Variants in DCC observed in about 807,000 individuals in gnomAD.
The protein encoded by DCC is DCC netrin 1 receptor.
DCC carries 58 observed loss-of-function variants against 172.5 expected under a neutral mutation model. The ratio of observed to expected loss-of-function variants is 0.34; its 90% CI spans 0.27 to 0.42. DCC has a LOEUF of 0.42. Among genes scored for constraint, DCC ranks in the 10% least tolerant of loss-of-function variants. The pLI, the probability that DCC is intolerant of heterozygous loss-of-function variation, is 1.00. For synonymous variants in DCC, 709 were observed against 644.5 expected, an observed-to-expected ratio of 1.10 and a Z score of -1.52; for missense variants, 1,740 against 1,791.0, an observed-to-expected ratio of 0.97 and a Z score of 0.51.
At chr18:52,629,823 A>AC (rs1568263807) in intron 1 of DCC, among the ~76,000 whole-genome samples, 1 of 151,774 alleles carries the variant, frequency 6.6e-6, no homozygotes, top group Non-Finnish European at 1.5e-5. Context: ...GCTGGCGGGT[A>AC]CCTGTAGTCC....
At chr18:52,468,025 C>T (rs375601357) in intron 1 of DCC, among the ~76,000 whole-genome samples, 3 of 152,100 alleles carry the variant, frequency 2.0e-5, no homozygotes, top group African/African-American at 7.2e-5. Flanking sequence ...CTCTGATGGA[C>T]ATTTTATGTG....
chr18:52,868,929 A>T (rs1468624443), intron 2 of DCC, among the ~76,000 whole-genome samples: 1 of 152,178 alleles, frequency 6.6e-6, no homozygotes, highest in African/African-American at 2.4e-5. Context: ...CTGCAGCTGG[A>T]CCAGGTGCAC....
At chr18:52,385,143 T>C in intron 1 of DCC, among the ~76,000 whole-genome samples, 1 of 152,140 alleles carries the variant, frequency 6.6e-6, no homozygotes, top group Middle Eastern at 3.2e-3. Context: ...TAAAATTCCC[T>C]GAAAAAGCAA....
intron 1 of DCC, among the ~76,000 whole-genome samples, chr18:52,489,549 G>A (rs1259779280): frequency 1.3e-5 from 2 of 152,136 alleles, no homozygotes; most frequent in Non-Finnish European, 1.5e-5. Flanking sequence ...ATTCTCAGTA[G>A]CCGGTGGCTT....
intron 2 of DCC, among the ~76,000 whole-genome samples, chr18:52,865,371 G>T (rs181563735): frequency 6.6e-6 from 1 of 152,180 alleles, no homozygotes; most frequent in Admixed American, 6.5e-5. Flanking sequence ...AGGATTGCTG[G>T]ATCAGATGGT....
intron 1 of DCC, among the ~76,000 whole-genome samples, chr18:52,416,018 A>G (rs1248317026): frequency 2.6e-5 from 4 of 151,928 alleles, no homozygotes. Flanking sequence ...TTAGTGCTAT[A>G]AATTTCCCTC....
intron 13 of DCC, among the ~76,000 whole-genome samples, chr18:53,317,233 T>C (rs1326206196): frequency 6.6e-6 from 1 of 152,234 alleles, no homozygotes; most frequent in East Asian, 1.9e-4. Context: ...ACAAAATATC[T>C]CAAAATATTG....
intron 7 of DCC, among the ~76,000 whole-genome samples, chr18:53,127,521 A>T (rs1371761913): frequency 1.3e-5 from 2 of 152,016 alleles, no homozygotes; most frequent in Non-Finnish European, 2.9e-5. Flanking sequence ...TGCCTATGGG[A>T]GGGTGGCTCT....
intron 1 of DCC, among the ~76,000 whole-genome samples, chr18:52,376,863 T>C (rs1027476284): frequency 2.0e-5 from 3 of 152,082 alleles, no homozygotes; most frequent in Admixed American, 6.5e-5. Flanking sequence ...TGTGTAAAAG[T>C]TGAGGAAGGG....
intron 21 of DCC, among the ~76,000 whole-genome samples, chr18:53,430,110 A>G (rs1911515656): frequency 6.6e-6 from 1 of 152,110 alleles, no homozygotes; most frequent in Non-Finnish European, 1.5e-5. Context: ...ATTAATGGAT[A>G]TTCTTTATCT....
In DCC at chr18:52,498,468, A is replaced by G. The variant is rs188083341; in HGVS notation, c.91+157590A>G. Among the ~76,000 whole-genome samples, 279 of 152,162 alleles carry G rather than the reference A, an allele frequency of 1.8e-3. 1 individual carries two copies. The highest frequency in any genetic ancestry group is 3.4e-3 in the Middle Eastern group (1 of 294). The stretch of plus-strand genomic sequence containing the variant: ...GTGAATACCTGTCTCTACTAAAAAT[A>G]CAAAAATTAGCCGTGCATGGTGGCA... On this transcript the variant is annotated intron_variant, in intron 1 of 28. Transcript: ENST00000442544.
chr18:53,295,602 T>C (rs1233911711), intron 12 of DCC, among the ~76,000 whole-genome samples: 1 of 152,214 alleles, frequency 6.6e-6, no homozygotes, highest in African/African-American at 2.4e-5. Context: ...ATTATGAGTA[T>C]AACATTTGTT....
chr18:53,494,945 G>T (rs181283122), intron 26 of DCC, among the ~76,000 whole-genome samples: 25 of 152,282 alleles, frequency 1.6e-4, no homozygotes, highest in African/African-American at 6.0e-4. Context: ...AGTACCGGTT[G>T]TTCCTTTCCA....
chr18:53,285,856 G>T (rs2056929837), intron 12 of DCC, among the ~76,000 whole-genome samples: 1 of 152,224 alleles, frequency 6.6e-6, no homozygotes, highest in Non-Finnish European at 1.5e-5. Context: ...ACCTGTATGT[G>T]AGACATGGAG....
intron 2 of DCC, among the ~76,000 whole-genome samples, chr18:52,863,422 T>C (rs1283264795): frequency 6.6e-6 from 1 of 151,806 alleles, no homozygotes; most frequent in Non-Finnish European, 1.5e-5. Flanking sequence ...AGCATAAGCT[T>C]TCTATAGAAC....
intron 1 of DCC, among the ~76,000 whole-genome samples, chr18:52,367,415 G>A (rs1984928472): frequency 1.3e-5 from 2 of 152,232 alleles, no homozygotes; most frequent in Non-Finnish European, 2.9e-5. Flanking sequence ...GGCAGGGGAG[G>A]TGCCAAGAGC....
intron 1 of DCC, among the ~76,000 whole-genome samples, chr18:52,639,537 G>A (rs2034849607): frequency 6.6e-6 from 1 of 152,006 alleles, no homozygotes; most frequent in Non-Finnish European, 1.5e-5. Flanking sequence ...ACACCTTTAT[G>A]CACATAAACT....
At chr18:53,310,991 G>GACACACACACACAC (rs5825008) in intron 13 of DCC, among the ~76,000 whole-genome samples, 3,049 of 145,738 alleles carry the variant, frequency 0.021, 62 homozygotes, top group Admixed American at 0.052. Flanking sequence ...AAGCATCTAG[G>GACACACACACACAC]ACACACACAC....
intron 7 of DCC, among the ~76,000 whole-genome samples, chr18:53,141,955 C>A (rs1410399938): frequency 6.6e-6 from 1 of 152,168 alleles, no homozygotes; most frequent in Non-Finnish European, 1.5e-5. Context: ...CAAACCCTGT[C>A]CAACATGTTG....
Sources: allele counts gnomAD v4.1 joint callset (sites outside exome capture counted in the v4.1 genomes callset), GRCh38; gene constraint gnomAD v4.1.1; transcripts MANE v1.5; gene names NCBI Gene and HGNC (gene_info 2026-07-23, HGNC 2026-07-21).